Variants in ST18 observed in about 807,000 individuals in gnomAD.
The protein encoded by ST18 is suppression of tumorigenicity 18 protein.
In ST18, 50 loss-of-function variants were observed where a neutral mutation model predicts 110.0. The observed-to-expected ratio is 0.45, with a 90% confidence interval of 0.36 to 0.58. The LOEUF (loss-of-function observed/expected upper bound fraction) is 0.58. Among genes scored for constraint, ST18 ranks in the 20% least tolerant of loss-of-function variants. ST18 has a pLI of 0.00. For missense variants in ST18, 1,306 were observed against 1,280.1 expected (o/e 1.02, Z -0.31); for synonymous variants, 461 against 452.4 (o/e 1.02, Z -0.24).
chr8:52,311,946 G>A (rs1452437536), intron 2 of ST18, among the ~76,000 whole-genome samples: 1 of 152,208 alleles, frequency 6.6e-6, no homozygotes, highest in Non-Finnish European at 1.5e-5. Flanking sequence ...TTGGCATTGA[G>A]TGGGTAAAAA....
chr8:52,136,548 C>T (rs375733219), intron 19 of ST18, 42 bp downstream of exon 19: 10 of 1,572,928 alleles, frequency 6.4e-6, no homozygotes, highest in South Asian at 5.8e-5. Context: ...AGGGTCCTAC[C>T]GTGTGGATGA....
intron 2 of ST18, among the ~76,000 whole-genome samples, chr8:52,377,650 G>A (rs182225878): frequency 6.6e-6 from 1 of 152,334 alleles, no homozygotes; most frequent in Non-Finnish European, 1.5e-5. Context: ...TACACTGTTG[G>A]TGGGAATGTA....
At chr8:52,364,349 T>C (rs948803974) in intron 2 of ST18, among the ~76,000 whole-genome samples, 15 of 152,160 alleles carry the variant, frequency 9.9e-5, no homozygotes, top group African/African-American at 3.1e-4. Context: ...AGGACTCTGG[T>C]TAATAGGAGA....
intron 9 of ST18, among the ~76,000 whole-genome samples, chr8:52,176,275 G>A (rs894079334): frequency 1.3e-5 from 2 of 152,032 alleles, no homozygotes; most frequent in East Asian, 3.9e-4. Flanking sequence ...CGCCCGCCTC[G>A]GCCTCCCAAA....
chr8:52,356,628 T>C (rs112193611), intron 2 of ST18, among the ~76,000 whole-genome samples: 3,400 of 152,264 alleles, frequency 0.022, 135 homozygotes, highest in African/African-American at 0.078. Flanking sequence ...ATCAGTAGAT[T>C]ATGGTCATTG....
chr8:52,366,500 C>G (rs1240641572), intron 2 of ST18, among the ~76,000 whole-genome samples: 1 of 152,164 alleles, frequency 6.6e-6, no homozygotes, highest in Non-Finnish European at 1.5e-5. Flanking sequence ...GGGCTTCCTG[C>G]TATTCTGTCA....
At chr8:52,155,743 T>A (rs899460285) in intron 15 of ST18, among the ~76,000 whole-genome samples, 11 of 152,332 alleles carry the variant, frequency 7.2e-5, no homozygotes, top group African/African-American at 2.4e-4. Context: ...GCTCCTATGA[T>A]CTTCTACAAG....
chr8:52,135,834 G>A (rs993736581), intron 19 of ST18, among the ~76,000 whole-genome samples: 3 of 151,924 alleles, frequency 2.0e-5, no homozygotes, highest in South Asian at 2.1e-4. Context: ...GACACCAAAC[G>A]CTGATGCTGC....
intron 16 of ST18, among the ~76,000 whole-genome samples, chr8:52,147,250 C>G (rs1451337680): frequency 2.0e-5 from 3 of 152,116 alleles, no homozygotes; most frequent in Non-Finnish European, 4.4e-5. Context: ...AAAACAGACT[C>G]AAGTCTACCA....
At chr8:52,308,892 T>C (rs922729709) in intron 2 of ST18, among the ~76,000 whole-genome samples, 1 of 152,230 alleles carries the variant, frequency 6.6e-6, no homozygotes. Context: ...GCCAAGGCTA[T>C]AACTAAGTGT....
intron 2 of ST18, among the ~76,000 whole-genome samples, chr8:52,304,987 C>T (rs2095790994): frequency 6.6e-6 from 1 of 152,100 alleles, no homozygotes; most frequent in Non-Finnish European, 1.5e-5. Context: ...TCTATTTGCT[C>T]TTTTTTCTTT....
intron 17 of ST18, among the ~76,000 whole-genome samples, chr8:52,142,619 A>C (rs963617986): frequency 2.0e-5 from 3 of 152,234 alleles, no homozygotes; most frequent in African/African-American, 7.2e-5. Flanking sequence ...AACAATTTGC[A>C]TCAAGTGTTA....
chr8:52,167,022 A>G, intron 10 of ST18, 36 bp from the exon 11 acceptor site: 1 of 1,578,872 alleles, frequency 6.3e-7, no homozygotes, highest in Non-Finnish European at 8.7e-7. Context: ...GCATTTGGTT[A>G]TTCTTGCTTT....
intron 2 of ST18, among the ~76,000 whole-genome samples, chr8:52,327,003 C>A (rs1036614986): frequency 6.6e-6 from 1 of 152,180 alleles, no homozygotes; most frequent in African/African-American, 2.4e-5. Context: ...AAAGTGCCAC[C>A]GGAGAGGGAG....
At chr8:52,339,512 G>C (rs910414518) in intron 2 of ST18, among the ~76,000 whole-genome samples, 1 of 152,200 alleles carries the variant, frequency 6.6e-6, no homozygotes, top group Non-Finnish European at 1.5e-5. Context: ...CAGATCTTGG[G>C]GGCCACCTCA....
chr8:52,291,150 A>G lies in ST18; in HGVS notation c.-464-61073T>C, dbSNP rs145366865. ...CCACCACAGTATGAGCTGCAGAAGA[A>G]CAAAGATTCCATCAGTCTTTTTCAC... is the stretch of plus-strand genomic sequence containing the variant. On this transcript the variant is annotated intron_variant, in intron 2 of 25. Coordinates refer to ENST00000689386, the MANE Select transcript of ST18 (RefSeq NM_001352837.2). Among the ~76,000 whole-genome samples, 3 of 152,340 alleles carry G rather than the reference A, an allele frequency of 2.0e-5. No homozygotes were observed. The East Asian group carries it at 5.8e-4, about 29-fold the overall frequency.
intron 2 of ST18, among the ~76,000 whole-genome samples, chr8:52,341,147 C>T (rs929904979): frequency 9.9e-5 from 15 of 152,176 alleles, no homozygotes; most frequent in Non-Finnish European, 2.9e-5. Flanking sequence ...TTAGTTCACA[C>T]AAAATAAATT....
intron 2 of ST18, among the ~76,000 whole-genome samples, chr8:52,385,387 G>A (rs772481961): frequency 2.0e-5 from 3 of 152,086 alleles, no homozygotes; most frequent in Non-Finnish European, 2.9e-5. Context: ...ATCACCTGAG[G>A]TCAGAAGTTC....
intron 2 of ST18, among the ~76,000 whole-genome samples, chr8:52,390,052 T>A (rs1459036184): frequency 6.6e-6 from 1 of 152,042 alleles, no homozygotes; most frequent in Non-Finnish European, 1.5e-5. Context: ...TAGAGATGGG[T>A]ACCGGGTGGC....
Sources: allele counts gnomAD v4.1 joint callset (sites outside exome capture counted in the v4.1 genomes callset), GRCh38; gene constraint gnomAD v4.1.1; transcripts MANE v1.5; gene names NCBI Gene and HGNC (gene_info 2026-07-23, HGNC 2026-07-21).